KCNQ1: variants seen among roughly 807,000 people sequenced by gnomAD.
KCNQ1 encodes potassium voltage-gated channel subfamily Q member 1.
In KCNQ1, 49 loss-of-function variants were observed where a neutral mutation model predicts 72.4. The observed-to-expected ratio is 0.68, with a 90% CI of 0.54 to 0.86. The LOEUF is 0.86. Ranked by LOEUF, KCNQ1 falls within the 40% of genes least tolerant of loss-of-function variation. The pLI is 0.00. For synonymous variants in KCNQ1, 450 were observed against 412.6 expected, an observed-to-expected ratio of 1.09 and a Z score of -1.10; for missense variants, 790 against 945.1, an observed-to-expected ratio of 0.84 and a Z score of 2.15.
In KCNQ1 at chr11:2,671,827, T is replaced by C; in HGVS notation, c.1514+9746T>C. 1 of 398,706 alleles carries C rather than the reference T, an allele frequency of 2.5e-6. No homozygotes were observed. Among genetic ancestry groups the C allele is most frequent in the Non-Finnish European group, 4.4e-6 (1 of 226,124 alleles). 24.7% of individuals were successfully genotyped at this position (398,706 alleles called of 1,614,324 possible). A position where few individuals can be genotyped will look rare whatever the true frequency, so the allele number is the denominator to read the frequency against. ...CAAATAAATCCCTGCAACCCCACTG[T>C]GGTTATAGGTCTGAGCCTTCTGCCC... is the stretch of plus-strand genomic sequence containing the variant. On this transcript the variant is annotated intron_variant, in intron 11 of 15. Transcript: ENST00000155840. This position sits in a 1 kb window ranked among gnomAD's most constrained non-coding sequence, Gnocchi z 4.7.
At position 2,602,330 on chromosome 11, in the gene KCNQ1, A is replaced by T. The variant is rs562585629; in HGVS notation, c.1393+13476A>T. Among the ~76,000 whole-genome samples, 13 of 152,052 alleles carry T rather than the reference A, an allele frequency of 8.5e-5. No individual in the cohort carries two copies. The highest frequency in any genetic ancestry group is 1.6e-4 in the Non-Finnish European group (11 of 68,004). On this transcript the variant is annotated intron_variant, in intron 10 of 15. Transcript: ENST00000155840. This position sits in a 1 kb window ranked among gnomAD's most constrained non-coding sequence, Gnocchi z 4.8. The stretch of plus-strand genomic sequence containing the variant: ...TAAGCCACTAAGTTTGTGGAAATGT[A>T]TTACAGCAGCCATGGGAACCTTATA...
chr11:2,773,420 G>A (rs553025070), intron 12 of KCNQ1, among the ~76,000 whole-genome samples: 41 of 130,692 alleles, frequency 3.1e-4, no homozygotes, highest in African/African-American at 7.7e-4. Context: ...ATCAAGGCTC[G>A]GCATCCCATC....
chr11:2,585,103 C>T (rs1848573190), intron 7 of KCNQ1, 109 bp from the exon 8 acceptor site: 1 of 979,456 alleles, frequency 1.0e-6, no homozygotes, highest in South Asian at 1.3e-5. Context: ...GCTTCCAGCA[C>T]TGACCATACC....
chr11:2,836,390 C>T lies in KCNQ1; in HGVS notation c.1795-11377C>T, dbSNP rs547909673. Reference sequence around the variant, plus strand: ...GGGGAGGCATGGTGACGTTTCAGGCCGGAGGTAGAAGTTTTCACCCAGGAG... The same window carrying T: ...GGGGAGGCATGGTGACGTTTCAGGCTGGAGGTAGAAGTTTTCACCCAGGAG... On this transcript the variant is annotated intron_variant, in intron 15 of 15. Transcript: ENST00000155840. 3.8e-4 allele frequency among the ~76,000 whole-genome samples: 58 copies of T among 152,226 alleles called. 1 individual carries two copies. The highest frequency in any genetic ancestry group is 8.5e-4 in the Admixed American group (13 of 15,298).
At position 2,626,597 on chromosome 11, in the gene KCNQ1, C is replaced by G. The variant is rs1489811648; in HGVS notation, c.1394-35364C>G. 5 of 398,524 alleles carry G rather than the reference C, an allele frequency of 1.3e-5. No homozygotes were observed. The highest frequency in any genetic ancestry group is 4.4e-6 in the Non-Finnish European group (1 of 226,108). The allele number at this position is 398,524 out of a possible 1,614,324, so 24.7% of individuals were successfully genotyped here. ...ACGCTGGAGTACAGTGGCATTATCACTGCTTACTGCCACCTCAATCTCCCA... is the reference window on the plus strand; with the variant it reads ...ACGCTGGAGTACAGTGGCATTATCAGTGCTTACTGCCACCTCAATCTCCCA... On this transcript the variant is annotated intron_variant, in intron 10 of 15. Coordinates refer to ENST00000155840, the MANE Select transcript of KCNQ1 (RefSeq NM_000218.3). The surrounding 1 kb of genome is among the most constrained non-coding windows in gnomAD (Gnocchi z 4.0).
chr11:2,629,199 C>T (rs1261542468), intron 10 of KCNQ1: 1 of 398,120 alleles, frequency 2.5e-6, no homozygotes. Context: ...GCTATTTCGG[C>T]AATATTTATT....
At position 2,687,865 on chromosome 11, in the gene KCNQ1, C is replaced by T. The variant is rs545088059; in HGVS notation, c.1514+25784C>T. 1.0e-5 allele frequency: 4 copies of T among 398,750 alleles called. No individual in the cohort carries two copies. Among genetic ancestry groups the T allele is most frequent in the African/African-American group, 8.2e-5 (4 of 48,774 alleles). 24.7% of individuals were successfully genotyped at this position (398,750 alleles called of 1,614,324 possible). A position where few individuals can be genotyped will look rare whatever the true frequency, so the allele number is the denominator to read the frequency against. On this transcript the variant is annotated intron_variant, in intron 11 of 15. Transcript: ENST00000155840. This position sits in a 1 kb window ranked among gnomAD's most constrained non-coding sequence, Gnocchi z 5.0. ...TCTGGTTCCTGAGGAGCCTCAAAGG[C>T]TGGACTTGGGGTGTCCCGCGGAAAT...
At chr11:2,625,325 A>G (rs1318757849) in intron 10 of KCNQ1, 3 of 398,658 alleles carry the variant, frequency 7.5e-6, no homozygotes, top group Non-Finnish European at 1.3e-5. Flanking sequence ...ATCATGGCAC[A>G]CTGCAGCCTC....
At position 2,445,341 on chromosome 11, in the gene KCNQ1, G is replaced by A; in HGVS notation, c.243G>A (p.Pro81=). ...AAPPVASDLG[P]RPPVSLDPRV... is the part of the protein sequence containing the mutation. The stretch of plus-strand genomic sequence containing the variant: ...CCCCAGTTGCCTCCGACCTTGGCCC[G>A]CGGCCGCCGGTGAGCCTAGACCCGC... The change falls in exon 1 of 16, where the codon CCG becomes CCA. Residue 81 remains proline, a synonymous_variant. Transcript: ENST00000155840. 6.3e-7 allele frequency: 1 copy of A among 1,590,928 alleles called. No individual in the cohort carries two copies. Among genetic ancestry groups the A allele is most frequent in the Non-Finnish European group, 8.5e-7 (1 of 1,176,488 alleles).
chr11:2,713,092 T>C lies in KCNQ1; in HGVS notation c.1514+51011T>C, dbSNP rs1274499744. Reference sequence around the variant, plus strand: ...TGAAATTAACAACTTTGTGAAGCATTTGGTATTTGGGGGATTTTACATTAG... The same window carrying C: ...TGAAATTAACAACTTTGTGAAGCATCTGGTATTTGGGGGATTTTACATTAG... On this transcript the variant is annotated intron_variant, in intron 11 of 15. Transcript: ENST00000155840. This position sits in a 1 kb window ranked among gnomAD's most constrained non-coding sequence, Gnocchi z 5.6. 6.6e-6 allele frequency among the ~76,000 whole-genome samples: 1 copy of C among 152,030 alleles called. No homozygotes were observed. Among genetic ancestry groups the C allele is most frequent in the Non-Finnish European group, 1.5e-5 (1 of 67,990 alleles).
chr11:2,720,138 G>T lies in KCNQ1; in HGVS notation c.1515-48706G>T, dbSNP rs182182646. 1.9e-3 allele frequency among the ~76,000 whole-genome samples: 283 copies of T among 152,348 alleles called. No individual in the cohort carries two copies. The highest frequency in any genetic ancestry group is 6.5e-3 in the African/African-American group (272 of 41,572). On this transcript the variant is annotated intron_variant, in intron 11 of 15. Coordinates refer to ENST00000155840, the MANE Select transcript of KCNQ1 (RefSeq NM_000218.3). The surrounding 1 kb of genome is among the most constrained non-coding windows in gnomAD (Gnocchi z 5.1). ...GGTTCAGTTCCCAAACCCACTGGAG[G>T]GTTGCAAGGAGACGCTTCTAGTATG...
intron 1 of KCNQ1, among the ~76,000 whole-genome samples, chr11:2,524,885 C>T (rs904864733): frequency 3.9e-5 from 6 of 152,168 alleles, no homozygotes; most frequent in African/African-American, 1.4e-4. Context: ...CTCTGCACGC[C>T]GTGGGCCTGG....
rs1356151203 is a variant in KCNQ1 at position 2,624,917 on chromosome 11, T to A, written c.1393+36063T>A. On this transcript the variant is annotated intron_variant, in intron 10 of 15. Transcript: ENST00000155840. This position sits in a 1 kb window ranked among gnomAD's most constrained non-coding sequence, Gnocchi z 4.9. ...TCCATGTTGTGGCATGTGTCAAAAT[T>A]TCTATTTTTTTTAAAGCTGAATAAT... 2.5e-6 allele frequency: 1 copy of A among 398,276 alleles called. No individual in the cohort carries two copies. Among genetic ancestry groups the A allele is most frequent in the Non-Finnish European group, 4.4e-6 (1 of 226,076 alleles). The allele number at this position is 398,276 out of a possible 1,614,324, so 24.7% of individuals were successfully genotyped here. A position where few individuals can be genotyped will look rare whatever the true frequency, so the allele number is the denominator to read the frequency against.
chr11:2,614,088 T>G (rs1382851686), intron 10 of KCNQ1: 1 of 398,444 alleles, frequency 2.5e-6, no homozygotes, highest in Non-Finnish European at 4.4e-6. Context: ...GTAGGTGGTT[T>G]CTAGATGGCA....
chr11:2,800,444 C>A (rs1327288675), intron 15 of KCNQ1, among the ~76,000 whole-genome samples: 3 of 152,212 alleles, frequency 2.0e-5, no homozygotes, highest in Non-Finnish European at 4.4e-5. Flanking sequence ...CCTCTTTCTT[C>A]CCCACCCCAC....
intron 10 of KCNQ1, among the ~76,000 whole-genome samples, chr11:2,594,511 CT>C (rs1848709847): frequency 6.6e-6 from 1 of 152,182 alleles, no homozygotes; most frequent in Non-Finnish European, 1.5e-5. Context: ...ATTGCCTCCC[CT>C]AATGCTTCTG....
chr11:2,721,496 C>T (rs1851202253), intron 11 of KCNQ1, among the ~76,000 whole-genome samples: 1 of 152,268 alleles, frequency 6.6e-6, no homozygotes, highest in South Asian at 2.1e-4. Flanking sequence ...ATGTGTTTCA[C>T]CCCCAAGGTG....
chr11:2,840,042 A>AGTCAAAAACCCAT (rs1848171366), intron 15 of KCNQ1: 1 of 152,246 alleles, frequency 6.6e-6, no homozygotes. Flanking sequence ...CGAACTGCCC[A>AGTCAAAAACCCAT]GTCAAAAACC....
rs540813363 is a variant in KCNQ1, at chr11:2,745,993, G to C, written c.1515-22851G>C. 6.6e-6 allele frequency among the ~76,000 whole-genome samples: 1 copy of C among 152,184 alleles called. No individual in the cohort carries two copies. Among genetic ancestry groups the C allele is most frequent in the African/African-American group, 2.4e-5 (1 of 41,440 alleles). ...CAAACTCCACCTCCCGGGTTCAAGCGATTGTCTCACCTCAGCCTCCTGAGT... is the reference window on the plus strand; with the variant it reads ...CAAACTCCACCTCCCGGGTTCAAGCCATTGTCTCACCTCAGCCTCCTGAGT... On this transcript the variant is annotated intron_variant, in intron 11 of 15. Coordinates refer to ENST00000155840, the MANE Select transcript of KCNQ1 (RefSeq NM_000218.3). The surrounding 1 kb of genome is among the most constrained non-coding windows in gnomAD (Gnocchi z 6.2).
Sources: gnomAD v4.1 joint callset for allele counts (sites outside exome capture counted in the v4.1 genomes callset) on GRCh38, gnomAD v4.1.1 for gene constraint, Gnocchi (gnomAD v3.1) non-coding constraint, MANE v1.5 for transcripts, NCBI Gene and HGNC (gene_info 2026-07-23, HGNC 2026-07-21) for gene names.